Variants in JAM2 observed in about 807,000 individuals in gnomAD.
JAM2 encodes the protein junctional adhesion molecule B.
Under a neutral mutation model 42.0 loss-of-function variants are expected in JAM2, and 17 were observed. That is an observed-to-expected ratio of 0.40 (90% CI 0.28 to 0.61). The LOEUF is 0.61. JAM2 is among the 20% of genes least tolerant of loss of function. The probability of loss-of-function intolerance (pLI) is 0.37; values close to 1 mark genes in which losing one functional copy is unlikely to be tolerated. For synonymous variants in JAM2, 118 were observed against 128.6 expected (o/e 0.92, Z 0.56); for missense variants, 319 against 358.3 (o/e 0.89, Z 0.89).
chr21:25,689,841 C>T (rs371231061), intron 2 of JAM2, 25 bp from the exon 3 acceptor site: 1 of 1,427,178 alleles, frequency 7.0e-7, no homozygotes, highest in Non-Finnish European at 9.8e-7. Context: ...AATTAGAAAA[C>T]AAGTATTTTT....
rs58722790 is a variant in JAM2 at position 25,697,953 on chromosome 21, T to A, written c.395-724T>A. 5.3e-4 allele frequency among the ~76,000 whole-genome samples: 74 copies of A among 140,722 alleles called. 1 individual carries two copies. The East Asian group carries it at 6.5e-3, about 12-fold the overall frequency. 92.3% of individuals were successfully genotyped at this position (140,722 alleles called of 152,430 possible). ...CACACACACACACACACACACACAC[T>A]CTCTCTCTCGCTCTCTCTCACACAC... On this transcript the variant is annotated intron_variant, in intron 4 of 9. Coordinates refer to ENST00000480456, the MANE Select transcript of JAM2 (RefSeq NM_021219.4).
intron 3 of JAM2, among the ~76,000 whole-genome samples, chr21:25,692,006 CA>C (rs71327958): frequency 1.1e-3 from 149 of 140,494 alleles, no homozygotes; most frequent in African/African-American, 8.9e-4. Context: ...AAGACTGTCT[CA>C]AAAAAAAAAA....
chr21:25,695,196 T>C (rs2123390634), intron 4 of JAM2, among the ~76,000 whole-genome samples: 1 of 152,288 alleles, frequency 6.6e-6, no homozygotes, highest in Middle Eastern at 3.4e-3. Flanking sequence ...AGGAGCATGC[T>C]GCCTTCAAGC....
intron 6 of JAM2, among the ~76,000 whole-genome samples, chr21:25,703,665 A>C (rs1326065839): frequency 1.3e-5 from 2 of 152,032 alleles, no homozygotes; most frequent in Non-Finnish European, 2.9e-5. Flanking sequence ...CTGCCTCACT[A>C]TAAAACTCCA....
At chr21:25,664,777 C>T (rs565279588) in intron 1 of JAM2, among the ~76,000 whole-genome samples, 55 of 152,310 alleles carry the variant, frequency 3.6e-4, no homozygotes, top group African/African-American at 1.3e-3. Context: ...AGTCACAGTG[C>T]TCCTTAGCAT....
intron 3 of JAM2, among the ~76,000 whole-genome samples, chr21:25,693,309 G>A (rs988461488): frequency 1.3e-5 from 2 of 150,918 alleles, no homozygotes; most frequent in African/African-American, 4.9e-5. Context: ...CCAGGTTGGA[G>A]TGCAGTGACA....
intron 7 of JAM2, among the ~76,000 whole-genome samples, chr21:25,708,807 GAATT>G (rs1226563387): frequency 2.6e-5 from 4 of 151,892 alleles, no homozygotes; most frequent in Non-Finnish European, 5.9e-5. Context: ...CTAAAATATT[GAATT>G]AATTAAAAGT....
chr21:25,711,763 ACAT>A (rs2034388331), intron 8 of JAM2, among the ~76,000 whole-genome samples: 2 of 152,196 alleles, frequency 1.3e-5, no homozygotes, highest in African/African-American at 4.8e-5. Context: ...CAGAGGGGAG[ACAT>A]CATCTTACGT....
At chr21:25,707,890 T>C (rs1195381527) in intron 7 of JAM2, among the ~76,000 whole-genome samples, 3 of 152,096 alleles carry the variant, frequency 2.0e-5, no homozygotes, top group Admixed American at 1.3e-4. Context: ...CTGTCACCCA[T>C]GCCTGGTGCA....
intron 4 of JAM2, among the ~76,000 whole-genome samples, chr21:25,694,161 A>G (rs560540368): frequency 6.6e-6 from 1 of 152,350 alleles, no homozygotes; most frequent in African/African-American, 2.4e-5. Context: ...GCAATTCCTA[A>G]TGATCCTACA....
chr21:25,712,294 G>A, intron 8 of JAM2, 46 bp from the exon 9 acceptor site: 1 of 1,264,672 alleles, frequency 7.9e-7, no homozygotes, highest in Non-Finnish European at 1.2e-6. Flanking sequence ...GTTCCAGATT[G>A]GAAGTGATAA....
intron 5 of JAM2, among the ~76,000 whole-genome samples, chr21:25,700,949 A>T (rs2034153022): frequency 6.6e-6 from 1 of 152,256 alleles, no homozygotes; most frequent in Admixed American, 6.5e-5. Context: ...GGCAGTTGGT[A>T]AAAGCCCCAA....
intron 1 of JAM2, among the ~76,000 whole-genome samples, chr21:25,644,438 G>A (rs542377099): frequency 2.0e-5 from 3 of 152,104 alleles, no homozygotes; most frequent in South Asian, 2.1e-4. Context: ...CCCCACTCAC[G>A]GCCCTGTCCT....
At chr21:25,678,375 T>C (rs1206457293) in intron 1 of JAM2, among the ~76,000 whole-genome samples, 1 of 152,004 alleles carries the variant, frequency 6.6e-6, no homozygotes, top group African/African-American at 2.4e-5. Flanking sequence ...ATCTTTGGAG[T>C]CTATAACATG....
intron 1 of JAM2, among the ~76,000 whole-genome samples, chr21:25,678,123 G>C (rs902696637): frequency 6.6e-5 from 10 of 152,164 alleles, no homozygotes; most frequent in Non-Finnish European, 1.2e-4. Flanking sequence ...CTACTCAGGA[G>C]GCTGAGGCAT....
chr21:25,693,020 T>G (rs2033916552), intron 3 of JAM2, among the ~76,000 whole-genome samples: 1 of 152,152 alleles, frequency 6.6e-6, no homozygotes, highest in Non-Finnish European at 1.5e-5. Flanking sequence ...CTGGAGAAAT[T>G]ATGACTATCT....
intron 1 of JAM2, among the ~76,000 whole-genome samples, chr21:25,673,889 A>C (rs2033418781): frequency 6.6e-6 from 1 of 152,216 alleles, no homozygotes; most frequent in Admixed American, 6.5e-5. Context: ...AGATAAGTGA[A>C]TCATGAGGGC....
chr21:25,640,837 C>T (rs924150481), intron 1 of JAM2, among the ~76,000 whole-genome samples: 1 of 151,306 alleles, frequency 6.6e-6, no homozygotes, highest in African/African-American at 2.4e-5. Flanking sequence ...TTCTTTCTGT[C>T]TCTCTTTCTT....
intron 1 of JAM2, among the ~76,000 whole-genome samples, chr21:25,646,922 G>T (rs1006083394): frequency 6.6e-6 from 1 of 151,992 alleles, no homozygotes; most frequent in African/African-American, 2.4e-5. Context: ...TGTTTTGTTG[G>T]GTTTTCTGTT....
Sources: gnomAD v4.1 joint callset for allele counts (sites outside exome capture counted in the v4.1 genomes callset) on GRCh38, gnomAD v4.1.1 for gene constraint, MANE v1.5 for transcripts, NCBI Gene and HGNC (gene_info 2026-07-23, HGNC 2026-07-21) for gene names.